EI24: variants seen among roughly 807,000 people sequenced by gnomAD.
The protein encoded by EI24 is EI24 autophagy associated transmembrane protein.
A neutral mutation model predicts 48.6 loss-of-function variants in EI24; 21 were observed. The observed-to-expected ratio is 0.43, with a 90% confidence interval of 0.31 to 0.62. The LOEUF is 0.62. EI24 is among the 20% of genes least tolerant of loss of function. The pLI is 0.10. For synonymous variants in EI24, 114 were observed against 145.5 expected, an observed-to-expected ratio of 0.78 and a Z score of 1.56; for missense variants, 280 against 410.5, an observed-to-expected ratio of 0.68 and a Z score of 2.75.
chr11:125,576,512 C>T (rs181760430), intron 4 of EI24, among the ~76,000 whole-genome samples, 197 bp downstream of exon 4: 7 of 152,330 alleles, frequency 4.6e-5, no homozygotes, highest in Admixed American at 3.3e-4. Context: ...TGTAAGCAAA[C>T]GTCACAGCCC....
At chr11:125,582,054 C>T (rs1333100023) in intron 9 of EI24, among the ~76,000 whole-genome samples, 1 of 151,784 alleles carries the variant, frequency 6.6e-6, no homozygotes, top group African/African-American at 2.4e-5. Flanking sequence ...AAAAATTAGC[C>T]AGGCGTGGTG....
chr11:125,583,406 G>A (rs74401064), intron 10 of EI24, 115 bp from the exon 11 acceptor site: 29,643 of 868,534 alleles, frequency 0.034, 619 homozygotes, highest in Non-Finnish European at 0.042. Flanking sequence ...CCTTGATCAA[G>A]TTTCATTTGT....
At chr11:125,577,700 T>C (rs1430830025) in intron 5 of EI24, 130 bp downstream of exon 5, 1 of 804,974 alleles carries the variant, frequency 1.2e-6, no homozygotes. Flanking sequence ...TGTTGTTTTA[T>C]TCTTTTTAAA....
chr11:125,572,308 A>G, intron 1 of EI24, 150 bp from the exon 2 acceptor site: 1 of 538,942 alleles, frequency 1.9e-6, no homozygotes, highest in Non-Finnish European at 3.3e-6. Flanking sequence ...CTGTACAGGA[A>G]TAGCTTCACT....
rs1457865324 is a variant in EI24, at chr11:125,572,488, T to C, written c.-40T>C. On this transcript the variant is annotated 5_prime_UTR_variant, in exon 2 of 11. Coordinates refer to ENST00000278903, the MANE Select transcript of EI24 (RefSeq NM_004879.5). Reference sequence around the variant, plus strand: ...TCATGATGAGAGATTTGGGGACACTTCTCTCTCCTGTGTGTAGTTGATAGT... The same window carrying C: ...TCATGATGAGAGATTTGGGGACACTCCTCTCTCCTGTGTGTAGTTGATAGT... 6.2e-7 allele frequency: 1 copy of C among 1,601,492 alleles called. No individual in the cohort carries two copies. Among genetic ancestry groups the C allele is most frequent in the South Asian group, 1.1e-5 (1 of 90,562 alleles).
chr11:125,582,325 CT>C lies in EI24; in HGVS notation c.786-7del, dbSNP rs71045107. On this transcript the variant is annotated intron_variant, in intron 9 of 10. Coordinates refer to ENST00000278903, the MANE Select transcript of EI24 (RefSeq NM_004879.5). Reference sequence around the variant, plus strand: ...CTGTTATGAAGGTGACTAATTATTTCTTTTTTTTTTTTTTAAACAGTGGCTG... The same window carrying C: ...CTGTTATGAAGGTGACTAATTATTTCTTTTTTTTTTTTTAAACAGTGGCTG... The C allele has an allele frequency of 0.11, 138,461 of 1,209,476 alleles. 1 individual carries two copies. Among genetic ancestry groups the C allele is most frequent in the South Asian group, 0.14 (8,748 of 64,666 alleles). The allele number at this position is 1,209,476 out of a possible 1,614,324, so 74.9% of individuals were successfully genotyped here.
At chr11:125,575,462 A>G in intron 3 of EI24, 54 bp downstream of exon 3, 2 of 1,463,042 alleles carry the variant, frequency 1.4e-6, no homozygotes, top group Non-Finnish European at 1.8e-6. Context: ...GACCTTACAT[A>G]GTGACTTGAT....
intron 1 of EI24, 34 bp downstream of exon 1, chr11:125,569,607 G>T (rs1274519694): frequency 5.6e-6 from 2 of 359,324 alleles, no homozygotes; most frequent in African/African-American, 2.1e-5. Context: ...AGGCCTCGGG[G>T]CCGCCGCGCC....
chr11:125,569,484 G>T lies in EI24; in HGVS notation c.-160G>T. 2.6e-6 allele frequency: 1 copy of T among 383,508 alleles called. No individual in the cohort carries two copies. The highest frequency in any genetic ancestry group is 4.6e-6 in the Non-Finnish European group (1 of 216,276). 23.8% of individuals were successfully genotyped at this position (383,508 alleles called of 1,614,324 possible). The stretch of plus-strand genomic sequence containing the variant: ...TGCGGCCCGGGCATGCCCAGTGCGG[G>T]CGCAGCGGCCCCGGCCCTGGAAGCG... On this transcript the variant is annotated 5_prime_UTR_variant, in exon 1 of 11. Coordinates refer to ENST00000278903, the MANE Select transcript of EI24 (RefSeq NM_004879.5).
At chr11:125,579,748 G>A (rs758415126) in intron 7 of EI24, among the ~76,000 whole-genome samples, 2 of 152,152 alleles carry the variant, frequency 1.3e-5, no homozygotes, top group Non-Finnish European at 2.9e-5. Context: ...CCTCACTGCA[G>A]CCTCAAACTC....
chr11:125,580,598 TG>T (rs66498675), intron 8 of EI24, among the ~76,000 whole-genome samples: 7,381 of 152,298 alleles, frequency 0.048, 268 homozygotes, highest in Middle Eastern at 0.082. Flanking sequence ...ACTTACAGGA[TG>T]GCATCCTTTT....
At chr11:125,575,859 G>T in intron 3 of EI24, 1 of 398,814 alleles carries the variant, frequency 2.5e-6, no homozygotes, top group Admixed American at 2.8e-5. Flanking sequence ...TGCAATCTCA[G>T]CTTACTGCAG....
At chr11:125,578,416 G>A (rs1938839326) in intron 6 of EI24, among the ~76,000 whole-genome samples, 159 bp downstream of exon 6, 1 of 148,602 alleles carries the variant, frequency 6.7e-6, no homozygotes, top group East Asian at 2.1e-4. Context: ...TGTTCTTACA[G>A]AATGGAATTA....
At chr11:125,575,218 C>A (rs1938688724) in intron 2 of EI24, 45 bp from the exon 3 acceptor site, 3 of 1,484,240 alleles carry the variant, frequency 2.0e-6, no homozygotes, top group Non-Finnish European at 2.7e-6. Flanking sequence ...CAAAGCAAGA[C>A]CCTGTCTCAA....
In EI24 at chr11:125,584,229, C is replaced by CAAAAAAAAAAAAAA. The variant is rs71045108; in HGVS notation, c.*566_*579dup. On this transcript the variant is annotated 3_prime_UTR_variant, in exon 11 of 11. Transcript: ENST00000278903. Reference sequence around the variant, plus strand: ...GGTTTTGGTCTCTCTTGCTCCACTGCAAAAAAAAAAAAAAAAAAAAAAAAA... The same window carrying CAAAAAAAAAAAAAA: ...GGTTTTGGTCTCTCTTGCTCCACTGCAAAAAAAAAAAAAAAAAAAAAAAAAAAAAAAAAAAAAAA... The CAAAAAAAAAAAAAA allele has an allele frequency of 4.0e-5, 2 of 49,688 alleles. No individual in the cohort carries two copies. The highest frequency in any genetic ancestry group is 6.5e-5 in the Non-Finnish European group (2 of 31,000). The allele number at this position is 49,688 out of a possible 1,614,324, so 3.1% of individuals were successfully genotyped here.
intron 1 of EI24, 96 bp from the exon 2 acceptor site, chr11:125,572,362 A>G: frequency 1.5e-6 from 1 of 651,808 alleles, no homozygotes; most frequent in African/African-American, 1.8e-5. Flanking sequence ...ATCTTACTAG[A>G]GCTACAAGTA....
At position 125,578,030 on chromosome 11, in the gene EI24, A is replaced by G. The variant is rs1191522963; in HGVS notation, c.317-103A>G. 24 of 1,397,844 alleles carry G rather than the reference A, an allele frequency of 1.7e-5. No individual in the cohort carries two copies. In the East Asian group the frequency reaches 5.1e-4, roughly 30 times the overall value. 86.6% of individuals were successfully genotyped at this position (1,397,844 alleles called of 1,614,324 possible). On this transcript the variant is annotated intron_variant, in intron 5 of 10. Coordinates refer to ENST00000278903, the MANE Select transcript of EI24 (RefSeq NM_004879.5). ...AGTGATGTGCTGGCAAGAACTAGAA[A>G]GATCCAGGAGGAGACAGAGAATAGT... is the stretch of plus-strand genomic sequence containing the variant.
intron 4 of EI24, 122 bp from the exon 5 acceptor site, chr11:125,577,382 C>A: frequency 1.0e-6 from 1 of 957,032 alleles, no homozygotes; most frequent in Non-Finnish European, 1.6e-6. Flanking sequence ...AGCCACCGCG[C>A]CCGGCCTAGG....
chr11:125,583,835 C>T lies in EI24; in HGVS notation c.*152C>T. Reference sequence around the variant, plus strand: ...CTCTCTGAGGAATTGAAATTTTTGTCTCTGGTGCACGTAAGGCAGAATGTT... The same window carrying T: ...CTCTCTGAGGAATTGAAATTTTTGTTTCTGGTGCACGTAAGGCAGAATGTT... On this transcript the variant is annotated 3_prime_UTR_variant, in exon 11 of 11. Coordinates refer to ENST00000278903, the MANE Select transcript of EI24 (RefSeq NM_004879.5). 1 of 1,046,088 alleles carries T rather than the reference C, an allele frequency of 9.6e-7. No homozygotes were observed. Among genetic ancestry groups the T allele is most frequent in the Non-Finnish European group, 1.4e-6 (1 of 725,928 alleles). The allele number at this position is 1,046,088 out of a possible 1,614,324, so 64.8% of individuals were successfully genotyped here. A position where few individuals can be genotyped will look rare whatever the true frequency, so the allele number is the denominator to read the frequency against.
Sources: allele counts gnomAD v4.1 joint callset (sites outside exome capture counted in the v4.1 genomes callset), GRCh38; gene constraint gnomAD v4.1.1; transcripts MANE v1.5; gene names NCBI Gene and HGNC (gene_info 2026-07-23, HGNC 2026-07-21).